Variants in ATP2B3 observed in about 807,000 individuals in gnomAD.
The protein encoded by ATP2B3 is ATPase plasma membrane Ca2+ transporting 3.
ATP2B3 carries 12 observed loss-of-function variants against 70.8 expected under a neutral mutation model. The ratio of observed to expected loss-of-function variants is 0.17; its 90% CI spans 0.11 to 0.27. ATP2B3 has a LOEUF of 0.27. Among genes scored for constraint, ATP2B3 ranks in the 10% least tolerant of loss-of-function variants. The pLI is 1.00. For synonymous variants in ATP2B3, 460 were observed against 497.8 expected (o/e 0.92, Z 1.01); for missense variants, 858 against 1,118.5 (o/e 0.77, Z 3.32).
At chrX:153,531,291 G>T (rs1375447524) in intron 2 of ATP2B3, among the ~76,000 whole-genome samples, 1 of 113,186 alleles carries the variant, frequency 8.8e-6, no homozygotes, top group Non-Finnish European at 1.9e-5. Flanking sequence ...TGGTCTAGGG[G>T]CCCACCCCGG....
In ATP2B3 at chrX:153,580,584, A is replaced by G. The variant is rs1391389304; in HGVS notation, c.*286A>G. On this transcript the variant is annotated 3_prime_UTR_variant, in exon 22 of 22. Coordinates refer to ENST00000263519, the MANE Select transcript of ATP2B3 (RefSeq NM_001001344.3). ...GGGGGAGGAGAAGGTTCTTCGTCCAAAGGAGGAAGGAGAAGAAGTAGAAAG... is the reference window on the plus strand; with the variant it reads ...GGGGGAGGAGAAGGTTCTTCGTCCAGAGGAGGAAGGAGAAGAAGTAGAAAG... 7 of 298,979 alleles carry G rather than the reference A, an allele frequency of 2.3e-5. No individual in the cohort carries two copies. In the East Asian group the frequency reaches 3.5e-4, roughly 15 times the overall value. The allele number at this position is 298,979 out of a possible 1,213,427, so 24.6% of individuals were successfully genotyped here.
Position 153,578,416 on chromosome X carries a change from G to A in ATP2B3, c.3343-1562G>A, listed in dbSNP as rs1285865731. 2.7e-5 allele frequency among the ~76,000 whole-genome samples: 3 copies of A among 113,036 alleles called. No homozygotes were observed. In the East Asian group the frequency reaches 8.4e-4, roughly 32 times the overall value. ...TGGGCCAGCTACCATTGGCGGCTGT[G>A]CTGACACTGGCCTGTGCGAGGCCAG... On this transcript the variant is annotated intron_variant, in intron 21 of 21. Transcript: ENST00000263519.
intron 2 of ATP2B3, among the ~76,000 whole-genome samples, chrX:153,529,978 G>A (rs1268531094): frequency 1.8e-5 from 2 of 112,795 alleles, no homozygotes; most frequent in Admixed American, 1.9e-4. Flanking sequence ...CATGGACATT[G>A]GGTTGCATCC....
rs2090395999 is a variant in ATP2B3 at position 153,548,010 on chromosome X, C to T, written c.1123+11C>T. 4 of 1,193,239 alleles carry T rather than the reference C, an allele frequency of 3.4e-6. No individual in the cohort carries two copies. The highest frequency in any genetic ancestry group is 1.1e-6 in the Non-Finnish European group (1 of 884,991). On this transcript the variant is annotated intron_variant, in intron 9 of 21. Coordinates refer to ENST00000263519, the MANE Select transcript of ATP2B3 (RefSeq NM_001001344.3). ...AGATCGGGAAAGCAGGTAGGGACAG[C>T]AGGAGGTGGTGGGCCCAGGCCATTG...
At chrX:153,566,812 C>G (rs1466623160) in intron 21 of ATP2B3, among the ~76,000 whole-genome samples, 1 of 111,726 alleles carries the variant, frequency 9.0e-6, no homozygotes, top group Non-Finnish European at 1.9e-5. Flanking sequence ...CCGCTGCGTC[C>G]CCTGGGCCCT....
At chrX:153,528,169 C>T (rs921072943) in intron 2 of ATP2B3, among the ~76,000 whole-genome samples, 3 of 112,796 alleles carry the variant, frequency 2.7e-5, no homozygotes, top group African/African-American at 3.2e-5. Flanking sequence ...ATCACTTGCT[C>T]GTTGCTTTTC....
intron 14 of ATP2B3, 31 bp downstream of exon 14, chrX:153,556,259 C>A (rs138074087): frequency 0.05 from 60,427 of 1,200,970 alleles, 1,171 homozygotes; most frequent in South Asian, 0.074. Flanking sequence ...ACCCCAGACC[C>A]CCCTTCTCCT....
chrX:153,517,930 G>A (rs1556996664), intron 1 of ATP2B3, 55 bp downstream of exon 1: 1 of 106,421 alleles, frequency 9.4e-6, no homozygotes, highest in African/African-American at 3.6e-5. Context: ...GGCGCGGCGC[G>A]GGCACAAGGC....
chrX:153,566,331 C>A (rs782058915), intron 21 of ATP2B3, among the ~76,000 whole-genome samples: 2 of 112,945 alleles, frequency 1.8e-5, no homozygotes, highest in Admixed American at 9.3e-5. Context: ...CACTTGGCTG[C>A]GGAGCCAGGG....
At chrX:153,540,902 T>C (rs2090269654) in intron 3 of ATP2B3, among the ~76,000 whole-genome samples, 1 of 112,273 alleles carries the variant, frequency 8.9e-6, no homozygotes, top group African/African-American at 3.2e-5. Flanking sequence ...CAGGGGACCA[T>C]TGGCTATACT....
chrX:153,521,708 C>A (rs1279330778), intron 2 of ATP2B3, among the ~76,000 whole-genome samples: 3 of 111,592 alleles, frequency 2.7e-5, no homozygotes, highest in Non-Finnish European at 5.7e-5. Context: ...CCTGAGGCCA[C>A]AGGCTCAAGG....
At chrX:153,521,715 A>C (rs2980066) in intron 2 of ATP2B3, among the ~76,000 whole-genome samples, 2 of 110,455 alleles carry the variant, frequency 1.8e-5, no homozygotes, top group Non-Finnish European at 3.8e-5. Flanking sequence ...CCACAGGCTC[A>C]AGGCACTTTC....
At chrX:153,554,214 C>A (rs184553384) in intron 13 of ATP2B3, among the ~76,000 whole-genome samples, 65 of 113,430 alleles carry the variant, frequency 5.7e-4, no homozygotes, top group African/African-American at 1.9e-3. Context: ...TGGGTGGTAG[C>A]GGAGGACAGG....
intron 8 of ATP2B3, among the ~76,000 whole-genome samples, chrX:153,547,608 C>A (rs2090388653): frequency 1.8e-5 from 2 of 111,622 alleles, no homozygotes; most frequent in Admixed American, 1.9e-4. Flanking sequence ...CCCGAGAGAA[C>A]CATCTCTGTC....
intron 18 of ATP2B3, 72 bp from the exon 19 acceptor site, chrX:153,560,604 C>T (rs1291069354): frequency 4.5e-6 from 5 of 1,102,418 alleles, no homozygotes; most frequent in East Asian, 6.2e-5. Flanking sequence ...AGCTACACAC[C>T]GAAGTCTCGC....
At chrX:153,539,386 C>A (rs1260034280) in intron 3 of ATP2B3, among the ~76,000 whole-genome samples, 2 of 112,896 alleles carry the variant, frequency 1.8e-5, no homozygotes, top group Non-Finnish European at 3.8e-5. Context: ...GGGGAGGACG[C>A]CATGTGGCCG....
intron 13 of ATP2B3, among the ~76,000 whole-genome samples, chrX:153,553,944 A>G (rs1160481488): frequency 8.8e-6 from 1 of 113,569 alleles, no homozygotes; most frequent in African/African-American, 3.2e-5. Context: ...TGTCACAAGC[A>G]GGGCCACTGT....
rs191166682 is a variant in ATP2B3 at position 153,554,966 on chromosome X, G to A, written c.2059-1083G>A. ...AGCTGCTGGTTTTCAGGCTCGTCAC[G>A]GCCACTTGGTGGCAGCAGAGGGGTG... On this transcript the variant is annotated intron_variant, in intron 13 of 21. Transcript: ENST00000263519. Among the ~76,000 whole-genome samples the A allele has an allele frequency of 4.7e-3, 533 of 112,280 alleles. 2 individuals are homozygous for A. Among genetic ancestry groups the A allele is most frequent in the African/African-American group, 0.017 (515 of 30,910 alleles).
intron 18 of ATP2B3, among the ~76,000 whole-genome samples, chrX:153,560,441 C>T (rs2124494435): frequency 9.0e-6 from 1 of 111,616 alleles, no homozygotes; most frequent in Non-Finnish European, 1.9e-5. Flanking sequence ...CCTTCTTAAT[C>T]TCTTCCTTCC....
Sources: gnomAD v4.1 joint callset for allele counts (sites outside exome capture counted in the v4.1 genomes callset) on GRCh38, gnomAD v4.1.1 for gene constraint, MANE v1.5 for transcripts, NCBI Gene and HGNC (gene_info 2026-07-23, HGNC 2026-07-21) for gene names.